Variants in CELF6 observed in about 807,000 individuals in gnomAD.
CELF6 encodes the protein Bruno -like 6, RNA binding protein.
A neutral mutation model predicts 53.1 loss-of-function variants in CELF6; 32 were observed. The observed-to-expected ratio is 0.60, with a 90% CI of 0.46 to 0.81. The LOEUF is 0.81. Ranked by LOEUF, CELF6 falls within the 30% of genes least tolerant of loss-of-function variation. The probability of loss-of-function intolerance (pLI) is 0.00; values close to 1 mark genes in which losing one functional copy is unlikely to be tolerated. For synonymous variants in CELF6, 291 were observed against 288.8 expected (o/e 1.01, Z -0.08); for missense variants, 539 against 669.5 (o/e 0.81, Z 2.15).
rs2087954679 is a variant in CELF6, at chr15:72,288,682, TGCCTG to T, written c.1094-69_1094-65del. The T allele has an allele frequency of 1.3e-6, 2 of 1,489,866 alleles. No individual in the cohort carries two copies. The highest frequency in any genetic ancestry group is 2.5e-5 in the South Asian group (2 of 78,814). 92.3% of individuals were successfully genotyped at this position (1,489,866 alleles called of 1,614,324 possible). A position where few individuals can be genotyped will look rare whatever the true frequency, so the allele number is the denominator to read the frequency against. On this transcript the variant is annotated intron_variant, in intron 9 of 12. Coordinates refer to ENST00000287202, the MANE Select transcript of CELF6 (RefSeq NM_052840.5). The surrounding 1 kb of genome is among the most constrained non-coding windows in gnomAD (Gnocchi z 4.6). ...GCCCTTCCCCAAGCAGGGCCCCAACTGCCTGGCCGCTTTTGACCAATTCAGCCCAG... is the reference window on the plus strand; with the variant it reads ...GCCCTTCCCCAAGCAGGGCCCCAACTGCCGCTTTTGACCAATTCAGCCCAG...
intron 1 of CELF6, 93 bp from the exon 2 acceptor site, chr15:72,316,020 T>A: frequency 1.2e-6 from 1 of 818,134 alleles, no homozygotes; most frequent in Non-Finnish European, 1.9e-6. Flanking sequence ...TTAAGGCCAC[T>A]CTCCTTTAAG....
At chr15:72,315,302 G>A (rs554659688) in intron 2 of CELF6, among the ~76,000 whole-genome samples, 1 of 152,320 alleles carries the variant, frequency 6.6e-6, no homozygotes, top group Admixed American at 6.5e-5. Flanking sequence ...GACCAGACCA[G>A]GTACCATTGG....
rs185967396 is a variant in CELF6 at position 72,290,368 on chromosome 15, A to T, written c.395-113T>A. On this transcript the variant is annotated intron_variant, in intron 3 of 12. Coordinates refer to ENST00000287202, the MANE Select transcript of CELF6 (RefSeq NM_052840.5). ...CAGTCTCACTCTGGGAAGCAGAGGG[A>T]GTGAGAAGGCCCTGGGCTTCCAGGG... is the stretch of plus-strand genomic sequence containing the variant. 1.2e-4 allele frequency: 158 copies of T among 1,297,844 alleles called. No individual in the cohort carries two copies. In the African/African-American group the frequency reaches 2.0e-3, roughly 17 times the overall value. The allele number at this position is 1,297,844 out of a possible 1,614,324, so 80.4% of individuals were successfully genotyped here. A position where few individuals can be genotyped will look rare whatever the true frequency, so the allele number is the denominator to read the frequency against.
intron 2 of CELF6, among the ~76,000 whole-genome samples, chr15:72,313,336 C>T (rs1165173311): frequency 1.3e-5 from 2 of 152,238 alleles, no homozygotes; most frequent in Non-Finnish European, 2.9e-5. Flanking sequence ...GTGGCTCATG[C>T]CTGTAATCCC....
intron 2 of CELF6, among the ~76,000 whole-genome samples, chr15:72,314,601 T>TTTTTTTTTTGTG (rs2088339175): frequency 2.1e-5 from 3 of 145,500 alleles, no homozygotes; most frequent in Admixed American, 6.8e-5. Context: ...TTTTTTTTTT[T>TTTTTTTTTTGTG]TTTTTTTTTT....
intron 3 of CELF6, among the ~76,000 whole-genome samples, chr15:72,296,612 C>T (rs2959937): frequency 0.017 from 2,622 of 152,238 alleles, 78 homozygotes; most frequent in African/African-American, 0.058. Flanking sequence ...AACACCAAAC[C>T]TTCTATTTAA....
chr15:72,298,745 G>A (rs1442139999), intron 3 of CELF6, among the ~76,000 whole-genome samples: 1 of 152,184 alleles, frequency 6.6e-6, no homozygotes, highest in African/African-American at 2.4e-5. Context: ...GGTACTTATA[G>A]TTTAACTTAT....
In CELF6 at chr15:72,289,578, C is replaced by A; in HGVS notation, c.747+49G>T. On this transcript the variant is annotated intron_variant, in intron 6 of 12. Transcript: ENST00000287202. The surrounding 1 kb of genome is among the most constrained non-coding windows in gnomAD (Gnocchi z 7.6). ...AGCTGCCCGTGCTCTCAGCCCCAGG[C>A]CTGGCCCACCCACCTGCGCGCCCTC... 1 of 1,476,088 alleles carries A rather than the reference C, an allele frequency of 6.8e-7. No individual in the cohort carries two copies. Among genetic ancestry groups the A allele is most frequent in the Non-Finnish European group, 8.9e-7 (1 of 1,120,504 alleles). 91.4% of individuals were successfully genotyped at this position (1,476,088 alleles called of 1,614,324 possible).
At chr15:72,315,097 A>G (rs2088346150) in intron 2 of CELF6, among the ~76,000 whole-genome samples, 1 of 152,218 alleles carries the variant, frequency 6.6e-6, no homozygotes. Context: ...ACATAGTCCC[A>G]AGTTTGGCCT....
rs1179209922 is a variant in CELF6, at chr15:72,285,419, T to A, written c.*952A>T. 6.6e-6 allele frequency: 1 copy of A among 152,348 alleles called. No homozygotes were observed. The allele number at this position is 152,348 out of a possible 1,614,324, so 9.4% of individuals were successfully genotyped here. ...CAAACTTAGACTAAGAGACAGAAGG[T>A]AGCCTGGAGCAAGGGGACACTGGGA... is the stretch of plus-strand genomic sequence containing the variant. On this transcript the variant is annotated 3_prime_UTR_variant, in exon 13 of 13. Transcript: ENST00000287202.
At chr15:72,303,080 G>C (rs1349787268) in intron 3 of CELF6, among the ~76,000 whole-genome samples, 1 of 152,184 alleles carries the variant, frequency 6.6e-6, no homozygotes, top group Non-Finnish European at 1.5e-5. Flanking sequence ...AGAAGATGTT[G>C]GTTGTGTGGT....
intron 2 of CELF6, among the ~76,000 whole-genome samples, chr15:72,315,093 T>A (rs1224681030): frequency 6.6e-6 from 1 of 152,226 alleles, no homozygotes; most frequent in Non-Finnish European, 1.5e-5. Flanking sequence ...CTGGACATAG[T>A]CCCAAGTTTG....
intron 2 of CELF6, among the ~76,000 whole-genome samples, chr15:72,305,208 G>A (rs747773673): frequency 2.5e-4 from 38 of 152,192 alleles, no homozygotes; most frequent in Non-Finnish European, 4.9e-4. Context: ...ATCACGCTAT[G>A]TGTCATTTAG....
intron 2 of CELF6, among the ~76,000 whole-genome samples, chr15:72,312,385 G>A (rs1001520273): frequency 6.6e-6 from 1 of 152,192 alleles, no homozygotes; most frequent in African/African-American, 2.4e-5. Context: ...CTAGCACTTT[G>A]AGAGGCTGAA....
chr15:72,312,544 A>C (rs972365840), intron 2 of CELF6, among the ~76,000 whole-genome samples: 1 of 152,120 alleles, frequency 6.6e-6, no homozygotes, highest in African/African-American at 2.4e-5. Context: ...CAGGAGAATC[A>C]CTTGAACCCT....
chr15:72,307,463 T>C (rs2088246153), intron 2 of CELF6, among the ~76,000 whole-genome samples: 1 of 152,202 alleles, frequency 6.6e-6, no homozygotes, highest in Non-Finnish European at 1.5e-5. Context: ...ATGTTACCAT[T>C]TCCTGAGAGC....
chr15:72,287,910 TCA>T (rs2087943406), intron 11 of CELF6, among the ~76,000 whole-genome samples: 1 of 152,116 alleles, frequency 6.6e-6, no homozygotes, highest in African/African-American at 2.4e-5. Flanking sequence ...CCATCACAAT[TCA>T]CTGCAAACTT....
Position 72,288,689 on chromosome 15 carries a change from C to A in CELF6, c.1094-71G>T, listed in dbSNP as rs887222846. ...CCCAAGCAGGGCCCCAACTGCCTGG[C>A]CGCTTTTGACCAATTCAGCCCAGTC... is the stretch of plus-strand genomic sequence containing the variant. On this transcript the variant is annotated intron_variant, in intron 9 of 12. Transcript: ENST00000287202. This position sits in a 1 kb window ranked among gnomAD's most constrained non-coding sequence, Gnocchi z 4.6. 18 of 1,451,846 alleles carry A rather than the reference C, an allele frequency of 1.2e-5. No homozygotes were observed. Among genetic ancestry groups the A allele is most frequent in the Non-Finnish European group, 1.6e-5 (17 of 1,059,498 alleles). The allele number at this position is 1,451,846 out of a possible 1,614,324, so 89.9% of individuals were successfully genotyped here. A position where few individuals can be genotyped will look rare whatever the true frequency, so the allele number is the denominator to read the frequency against.
rs1383240203 is a variant in CELF6, at chr15:72,288,605, C to T, written c.1107G>A (p.Ser369=). ...GMHHYAAAYP[S]AYAPVSTAFP... ...AAGCTGTGCTCACTGGGGCATAGGC[C>T]GACGGATAGGCTGCTGGAGACAGAG... is the stretch of plus-strand genomic sequence containing the variant. Residue 369 remains serine, a synonymous_variant, in exon 10 of 13, where the codon TCG becomes TCA. Coordinates refer to ENST00000287202, the MANE Select transcript of CELF6 (RefSeq NM_052840.5). The surrounding 1 kb of genome is among the most constrained non-coding windows in gnomAD (Gnocchi z 4.6). 1.3e-5 allele frequency: 21 copies of T among 1,563,838 alleles called. No individual in the cohort carries two copies. The highest frequency in any genetic ancestry group is 1.1e-4 in the South Asian group (9 of 82,014).
Sources: gnomAD v4.1 joint callset for allele counts (sites outside exome capture counted in the v4.1 genomes callset) on GRCh38, gnomAD v4.1.1 for gene constraint, Gnocchi (gnomAD v3.1) non-coding constraint, MANE v1.5 for transcripts, NCBI Gene and HGNC (gene_info 2026-07-23, HGNC 2026-07-21) for gene names.